ADAT1: variants seen among roughly 807,000 people sequenced by gnomAD.
The protein encoded by ADAT1 is tRNA-specific adenosine deaminase 1.
ADAT1 carries 58 observed loss-of-function variants against 58.6 expected under a neutral mutation model. The ratio of observed to expected loss-of-function variants is 0.99; its 90% CI spans 0.80 to 1.23. The LOEUF (loss-of-function observed/expected upper bound fraction) is 1.23, where lower values mean the gene tolerates loss of function less well. Among genes scored for constraint, ADAT1 ranks in the 50% most tolerant of loss-of-function variants. The pLI is 0.00. For missense variants in ADAT1, 741 were observed against 608.6 expected, an observed-to-expected ratio of 1.22 and a Z score of -2.29; for synonymous variants, 254 against 220.8, an observed-to-expected ratio of 1.15 and a Z score of -1.33.
chr16:75,603,623 G>A (rs2081283665), intron 8 of ADAT1, among the ~76,000 whole-genome samples: 1 of 152,168 alleles, frequency 6.6e-6, no homozygotes, highest in Non-Finnish European at 1.5e-5. Context: ...CCTGCCATGG[G>A]CATCACAGGC....
chr16:75,611,300 T>A (rs528162332), intron 6 of ADAT1, among the ~76,000 whole-genome samples: 18 of 152,346 alleles, frequency 1.2e-4, no homozygotes, highest in East Asian at 1.9e-4. Flanking sequence ...ATTTTTCTTA[T>A]GTGTGGATGT....
chr16:75,603,254 G>A (rs1567462972), intron 8 of ADAT1, 83 bp from the exon 9 acceptor site: 1 of 1,253,580 alleles, frequency 8.0e-7, no homozygotes, highest in Non-Finnish European at 1.1e-6. Flanking sequence ...GGCTTCATGT[G>A]GTTTTTAGGT....
intron 4 of ADAT1, 71 bp from the exon 5 acceptor site, chr16:75,617,343 G>A: frequency 6.5e-7 from 1 of 1,545,818 alleles, no homozygotes; most frequent in Non-Finnish European, 8.8e-7. Flanking sequence ...CTGGTTGGGT[G>A]ATTACTAAGA....
rs759013275 is a variant in ADAT1 at position 75,612,491 on chromosome 16, A to G, written c.795T>C (p.Pro265=). 1.9e-6 allele frequency: 3 copies of G among 1,614,202 alleles called. No individual in the cohort carries two copies. In the Admixed American group the frequency reaches 5.0e-5, roughly 27 times the overall value. The change falls in exon 6 of 10, where the codon CCT becomes CCC. Residue 265 remains proline (P), a synonymous_variant. Transcript: ENST00000564657. ...DVYRTGAKCV[P]GEAGDSGKPG... ...GCTTTCCGGAGTCTCCAGCTTCTCC[A>G]GGTACACACTTGGCTCCAGTTCTAT...
Position 75,600,298 on chromosome 16 carries a change from T to A in ADAT1, c.1427A>T (p.Tyr476Phe). The change falls in exon 10 of 10, where the codon TAC (tyrosine) becomes TTC (phenylalanine). Residue 476 changes from tyrosine to phenylalanine, a missense_variant. Coordinates refer to ENST00000564657, the MANE Select transcript of ADAT1 (RefSeq NM_001324445.2). The stretch of plus-strand genomic sequence containing the variant: ...CCGGAGTGTGCTCCAGGCTTCCTGG[T>A]AAGAGGACGCAGCCTCCTTGTACTC... ...YQEYKEAASS[Y>F]QEAWSTLRKQ... 4.3e-6 allele frequency: 7 copies of A among 1,614,120 alleles called. No individual in the cohort carries two copies. The highest frequency in any genetic ancestry group is 5.1e-6 in the Non-Finnish European group (6 of 1,180,022).
chr16:75,609,931 T>C (rs1427627184), intron 6 of ADAT1, among the ~76,000 whole-genome samples: 7 of 152,192 alleles, frequency 4.6e-5, no homozygotes, highest in Admixed American at 4.6e-4. Flanking sequence ...CTTGAACTCC[T>C]TGGCTCAAGC....
chr16:75,612,845 G>C lies in ADAT1; in HGVS notation c.441C>G (p.Ile147Met), dbSNP rs977772104. Residue 147 changes from isoleucine (I) to methionine (M), a missense_variant, in exon 6 of 10, where the codon ATC (isoleucine) becomes ATG (methionine). Physicochemically the swap from Ile to Met is conservative, Grantham distance 10. Transcript: ENST00000564657. ...GATCTTCAAACTCAAGCATCGGAAT[G>C]ATGGAGGCATCCCCACCTGCAGAGA... ...SSHTPCGDAS[I>M]IPMLEFEDQP... 5 of 1,613,720 alleles carry C rather than the reference G, an allele frequency of 3.1e-6. No homozygotes were observed. Among genetic ancestry groups the C allele is most frequent in the Non-Finnish European group, 2.5e-6 (3 of 1,179,862 alleles).
At chr16:75,606,210 T>C (rs2081368475) in intron 8 of ADAT1, among the ~76,000 whole-genome samples, 1 of 152,042 alleles carries the variant, frequency 6.6e-6, no homozygotes, top group African/African-American at 2.4e-5. Context: ...CCAACAGTAA[T>C]TGCCACAAAG....
intron 8 of ADAT1, among the ~76,000 whole-genome samples, chr16:75,604,574 A>C (rs2081322818): frequency 6.7e-6 from 1 of 150,162 alleles, no homozygotes; most frequent in African/African-American, 2.5e-5. Flanking sequence ...CATTTGGTAG[A>C]ATTCAACATC....
In ADAT1 at chr16:75,617,282, G is replaced by T. The variant is rs773947279; in HGVS notation, c.294-10C>A. On this transcript the variant is annotated splice_polypyrimidine_tract_variant and intron_variant, in intron 4 of 9. Coordinates refer to ENST00000564657, the MANE Select transcript of ADAT1 (RefSeq NM_001324445.2). ...TTGGTGGAGAAGGTACCTAAGGGTTGCAAGATGTTATTAGGATGAACAACC... is the reference window on the plus strand; with the variant it reads ...TTGGTGGAGAAGGTACCTAAGGGTTTCAAGATGTTATTAGGATGAACAACC... The T allele has an allele frequency of 6.2e-7, 1 of 1,610,262 alleles. No individual in the cohort carries two copies. The highest frequency in any genetic ancestry group is 1.7e-5 in the Admixed American group (1 of 59,862).
chr16:75,618,441 G>C (rs959815546), intron 4 of ADAT1, 145 bp downstream of exon 4: 15 of 418,776 alleles, frequency 3.6e-5, no homozygotes, highest in Non-Finnish European at 6.0e-5. Context: ...AGCAGGCGGA[G>C]GTTGCAGTGA....
chr16:75,605,432 G>A (rs1214267441), intron 8 of ADAT1, among the ~76,000 whole-genome samples: 1 of 151,902 alleles, frequency 6.6e-6, no homozygotes. Context: ...TTTTTAGTTT[G>A]CTTTATTTTA....
chr16:75,620,433 G>A, intron 2 of ADAT1, 99 bp from the exon 3 acceptor site: 2 of 1,471,232 alleles, frequency 1.4e-6, no homozygotes, highest in Non-Finnish European at 9.5e-7. Context: ...GATTCCCAGA[G>A]GCCCACTCAA....
intron 2 of ADAT1, 145 bp downstream of exon 2, chr16:75,620,486 G>A: frequency 7.2e-7 from 1 of 1,392,816 alleles, no homozygotes; most frequent in Non-Finnish European, 1.0e-6. Flanking sequence ...CGCCATCAGA[G>A]GTACTGCGTC....
intron 4 of ADAT1, among the ~76,000 whole-genome samples, chr16:75,617,776 T>C (rs8048944): frequency 0.47 from 70,884 of 151,220 alleles, 19,094 homozygotes; most frequent in East Asian, 0.87. Flanking sequence ...TCTTCTGATG[T>C]ACAATCAAGT....
chr16:75,605,222 C>T (rs1272268992), intron 8 of ADAT1, among the ~76,000 whole-genome samples: 1 of 152,156 alleles, frequency 6.6e-6, no homozygotes, highest in African/African-American at 2.4e-5. Flanking sequence ...TCCCAAGTAG[C>T]TGGGATTACA....
chr16:75,600,952 A>G (rs1313979262), intron 9 of ADAT1, among the ~76,000 whole-genome samples: 3 of 152,230 alleles, frequency 2.0e-5, no homozygotes, highest in Non-Finnish European at 4.4e-5. Context: ...AGAAAGCAAC[A>G]TGAATTAAAA....
At chr16:75,603,778 C>A (rs1228831804) in intron 8 of ADAT1, among the ~76,000 whole-genome samples, 1 of 152,198 alleles carries the variant, frequency 6.6e-6, no homozygotes, top group East Asian at 1.9e-4. Context: ...GTATACAATT[C>A]ATGAGCTGCA....
intron 5 of ADAT1, among the ~76,000 whole-genome samples, chr16:75,615,876 C>A (rs1189075052): frequency 6.6e-6 from 1 of 152,202 alleles, no homozygotes; most frequent in Non-Finnish European, 1.5e-5. Flanking sequence ...GATTAGGAAA[C>A]AACCTTTGGG....
Sources: gnomAD v4.1 joint callset for allele counts (sites outside exome capture counted in the v4.1 genomes callset) on GRCh38, gnomAD v4.1.1 for gene constraint, MANE v1.5 for transcripts, NCBI Gene and HGNC (gene_info 2026-07-23, HGNC 2026-07-21) for gene names.